FARSB: variants seen among roughly 807,000 people sequenced by gnomAD.
FARSB encodes phenylalanyl-tRNA synthetase subunit beta.
Under a neutral mutation model 69.6 loss-of-function variants are expected in FARSB, and 40 were observed. That is an observed-to-expected ratio of 0.57 (90% CI 0.45 to 0.75). The LOEUF is 0.75. FARSB is among the 30% of genes least tolerant of loss of function. The pLI is 0.00. For missense variants in FARSB, 632 were observed against 722.9 expected (o/e 0.87, Z 1.44); for synonymous variants, 235 against 247.2 (o/e 0.95, Z 0.46).
chr2:222,633,811 T>C (rs1030922816), intron 6 of FARSB, among the ~76,000 whole-genome samples: 6 of 151,996 alleles, frequency 3.9e-5, no homozygotes, highest in Non-Finnish European at 5.9e-5. Context: ...ATGAACACAA[T>C]TGAATCATTT....
chr2:222,600,066 A>C lies in FARSB; in HGVS notation c.1480T>G (p.Tyr494Asp). 1 of 1,606,708 alleles carries C rather than the reference A, an allele frequency of 6.2e-7. No individual in the cohort carries two copies. Among genetic ancestry groups the C allele is most frequent in the Non-Finnish European group, 8.5e-7 (1 of 1,178,326 alleles). ...DSNTDVGAKN[Y>D]RHLCAVYYNK... ...TAATAAACAGCACAGAGATGTCTGT[A>C]GTTTTTTGCACCTACATCTAGAAAA... The change falls in exon 16 of 17, where the codon TAC (tyrosine) becomes GAC (aspartate). Residue 494 changes from tyrosine (Y) to aspartate (D), a missense_variant. Coordinates refer to ENST00000281828, the MANE Select transcript of FARSB (RefSeq NM_005687.5).
chr2:222,623,301 T>C (rs1691186856), intron 13 of FARSB, among the ~76,000 whole-genome samples: 2 of 152,206 alleles, frequency 1.3e-5, no homozygotes, highest in South Asian at 4.1e-4. Flanking sequence ...GGACGGCATC[T>C]AGTGGGCACA....
chr2:222,634,926 A>C (rs1691540814), intron 5 of FARSB, among the ~76,000 whole-genome samples: 1 of 152,204 alleles, frequency 6.6e-6, no homozygotes, highest in East Asian at 1.9e-4. Flanking sequence ...TGTTTTAATA[A>C]ATTAGAACGA....
intron 16 of FARSB, among the ~76,000 whole-genome samples, chr2:222,590,309 G>T (rs1356258579): frequency 6.6e-6 from 1 of 151,680 alleles, no homozygotes; most frequent in Non-Finnish European, 1.5e-5. Context: ...GGTAGGAATT[G>T]TACAATGAGA....
chr2:222,636,265 ATGTGGT>A (rs1256384989), intron 5 of FARSB, among the ~76,000 whole-genome samples: 1 of 150,614 alleles, frequency 6.6e-6, no homozygotes, highest in African/African-American at 2.4e-5. Context: ...AATTAGCCAG[ATGTGGT>A]TGGCGGGCGC....
At chr2:222,593,999 A>G in intron 16 of FARSB, among the ~76,000 whole-genome samples, 1 of 150,876 alleles carries the variant, frequency 6.6e-6, no homozygotes, top group Non-Finnish European at 1.5e-5. Flanking sequence ...GCTCACACCT[A>G]TAATCTCAAC....
chr2:222,590,932 C>A (rs752548747), intron 16 of FARSB, among the ~76,000 whole-genome samples: 36 of 151,976 alleles, frequency 2.4e-4, no homozygotes, highest in Non-Finnish European at 4.7e-4. Context: ...TAGTCCTACA[C>A]CTTGATAGAA....
chr2:222,578,255 C>T (rs1169983615), intron 16 of FARSB, among the ~76,000 whole-genome samples: 1 of 152,116 alleles, frequency 6.6e-6, no homozygotes, highest in African/African-American at 2.4e-5. Context: ...GGTTCTTTAC[C>T]CAGTCTTTCA....
At chr2:222,608,646 TAAG>T (rs1452317800) in intron 15 of FARSB, among the ~76,000 whole-genome samples, 1 of 152,290 alleles carries the variant, frequency 6.6e-6, no homozygotes, top group East Asian at 1.9e-4. Context: ...ACTAAGCAGG[TAAG>T]AAGAAGTAGA....
chr2:222,579,692 T>C (rs1401240935), intron 16 of FARSB, among the ~76,000 whole-genome samples: 1 of 152,100 alleles, frequency 6.6e-6, no homozygotes, highest in East Asian at 1.9e-4. Context: ...CTTCACTTAA[T>C]ATATGAAAAA....
At chr2:222,646,146 G>A (rs576100049) in intron 2 of FARSB, among the ~76,000 whole-genome samples, 106 of 152,120 alleles carry the variant, frequency 7.0e-4, no homozygotes, top group African/African-American at 2.3e-3. Flanking sequence ...TAATTATTCC[G>A]ACTAGATTAC....
chr2:222,611,022 TC>T lies in FARSB; in HGVS notation c.1462+2788del, dbSNP rs201003913. On this transcript the variant is annotated intron_variant, in intron 15 of 16. Transcript: ENST00000281828. ...ATCCATATGTACATTTTTAGAATAC[TC>T]CATCAGAGAAGCTCATTTTGTTATG... Among the ~76,000 whole-genome samples, 1,344 of 152,172 alleles carry T rather than the reference TC, an allele frequency of 8.8e-3. 32 individuals carry two copies. The highest frequency in any genetic ancestry group is 0.025 in the Admixed American group (390 of 15,296).
intron 5 of FARSB, among the ~76,000 whole-genome samples, chr2:222,637,236 CAATCCCTGAGA>C (rs1691604610): frequency 1.3e-5 from 2 of 152,076 alleles, no homozygotes; most frequent in African/African-American, 4.8e-5. Flanking sequence ...TAAAGGGCAG[CAATCCCTGAGA>C]CACAGGAAAC....
chr2:222,652,507 CTCTT>C (rs1283081981), intron 1 of FARSB, among the ~76,000 whole-genome samples: 1 of 152,210 alleles, frequency 6.6e-6, no homozygotes, highest in Non-Finnish European at 1.5e-5. Flanking sequence ...CCTCGGCACT[CTCTT>C]ACTTACCTAC....
At chr2:222,637,509 C>T (rs1053747594) in intron 5 of FARSB, among the ~76,000 whole-genome samples, 11 of 152,102 alleles carry the variant, frequency 7.2e-5, no homozygotes, top group African/African-American at 2.4e-4. Flanking sequence ...AATTACTCAA[C>T]GGAATTAGAG....
chr2:222,631,475 G>A, intron 8 of FARSB, 129 bp downstream of exon 8: 1 of 669,290 alleles, frequency 1.5e-6, no homozygotes, highest in Non-Finnish European at 2.7e-6. Context: ...CTTTTTAATT[G>A]TCTAAATTTC....
intron 1 of FARSB, among the ~76,000 whole-genome samples, chr2:222,654,194 AATCC>A (rs1220420153): frequency 6.6e-6 from 1 of 152,214 alleles, no homozygotes; most frequent in Non-Finnish European, 1.5e-5. Context: ...GAGCATTCCC[AATCC>A]AAAAATCTGA....
intron 15 of FARSB, among the ~76,000 whole-genome samples, chr2:222,612,524 G>C (rs1262207421): frequency 4.6e-5 from 7 of 152,326 alleles, no homozygotes; most frequent in Admixed American, 4.6e-4. Context: ...ACTTTGGAAA[G>C]TTAAGAATGA....
intron 15 of FARSB, among the ~76,000 whole-genome samples, chr2:222,602,752 C>T (rs1690596154): frequency 6.6e-6 from 1 of 151,928 alleles, no homozygotes; most frequent in African/African-American, 2.4e-5. Flanking sequence ...CTTTATGATG[C>T]TGCGTATTTC....
Sources: gnomAD v4.1 joint callset for allele counts (sites outside exome capture counted in the v4.1 genomes callset) on GRCh38, gnomAD v4.1.1 for gene constraint, MANE v1.5 for transcripts, NCBI Gene and HGNC (gene_info 2026-07-23, HGNC 2026-07-21) for gene names.